The following MYBL2 variants were observed in gnomAD, a reference collection of about 807,000 sequenced individuals.
MYBL2 encodes MYB proto-oncogene like 2, also known as myb-related protein B.
Under a neutral mutation model 79.9 loss-of-function variants are expected in MYBL2, and 28 were observed. That is an observed-to-expected ratio of 0.35 (90% CI 0.26 to 0.48). MYBL2 has a LOEUF of 0.48. MYBL2 is among the 20% of genes least tolerant of loss of function. The pLI is 0.99. For missense variants in MYBL2, 735 were observed against 893.9 expected (o/e 0.82, Z 2.27); for synonymous variants, 378 against 361.2 (o/e 1.05, Z -0.53).
At chr20:43,682,755 G>T in intron 3 of MYBL2, 39 bp from the exon 4 acceptor site, 1 of 1,604,416 alleles carries the variant, frequency 6.2e-7, no homozygotes, top group South Asian at 1.1e-5. Flanking sequence ...GGTCCCAGAA[G>T]TTCTCACAGA....
intron 1 of MYBL2, among the ~76,000 whole-genome samples, chr20:43,667,726 G>A (rs933746539): frequency 6.6e-6 from 1 of 152,226 alleles, no homozygotes; most frequent in African/African-American, 2.4e-5. Flanking sequence ...GAGCCTGGGA[G>A]GCACTTGTTG....
At chr20:43,675,282 A>T (rs766402818) in intron 2 of MYBL2, among the ~76,000 whole-genome samples, 4 of 151,128 alleles carry the variant, frequency 2.6e-5, no homozygotes, top group Non-Finnish European at 5.9e-5. Flanking sequence ...CCCTGGCCAA[A>T]TGCCCCTTTT....
Position 43,716,033 on chromosome 20 carries a change from G to T in MYBL2, c.2049G>T (p.Gln683His), listed in dbSNP as rs776987820. 3 of 1,611,486 alleles carry T rather than the reference G, an allele frequency of 1.9e-6. No individual in the cohort carries two copies. Among genetic ancestry groups the T allele is most frequent in the Non-Finnish European group, 1.7e-6 (2 of 1,179,846 alleles). Residue 683 changes from glutamine (Q) to histidine (H), a missense_variant, in exon 14 of 14, where the codon CAG becomes CAT. Coordinates refer to ENST00000217026, the MANE Select transcript of MYBL2 (RefSeq NM_002466.4). The stretch of plus-strand genomic sequence containing the variant: ...TTTTCATGCAGGAGAAAGCCCGGCA[G>T]CTCCTGGGCCGCCTGAAGCCCAGCC... ...DQLFMQEKAR[Q>H]LLGRLKPSHT...
rs552135684 is a variant in MYBL2, at chr20:43,711,530, C to T, written c.1648C>T (p.Arg550Cys). The change falls in exon 11 of 14, where the codon CGT (arginine) becomes TGT (cysteine). Residue 550 changes from arginine (R) to cysteine (C), a missense_variant. Coordinates refer to ENST00000217026, the MANE Select transcript of MYBL2 (RefSeq NM_002466.4). Reference sequence around the variant, plus strand: ...GGAGGAGGACTTGAAGGAGGTGCTGCGTTCTGAGGCTGGCATCGAACTCAT... The same window carrying T: ...GGAGGAGGACTTGAAGGAGGTGCTGTGTTCTGAGGCTGGCATCGAACTCAT... ...HLEEDLKEVL[R>C]SEAGIELIIE... The T allele has an allele frequency of 2.2e-5, 36 of 1,613,714 alleles. 1 individual carries two copies. Among genetic ancestry groups the T allele is most frequent in the East Asian group, 2.2e-4 (10 of 44,876 alleles).
intron 6 of MYBL2, among the ~76,000 whole-genome samples, chr20:43,694,412 G>C (rs1305554860): frequency 1.3e-5 from 2 of 151,862 alleles, no homozygotes; most frequent in Non-Finnish European, 2.9e-5. Context: ...TGATGATGCC[G>C]GCTGTGTGGT....
In MYBL2 at chr20:43,705,640, G is replaced by A. The variant is rs1359440392; in HGVS notation, c.1505+282G>A. Among the ~76,000 whole-genome samples the A allele has an allele frequency of 2.6e-5, 4 of 151,920 alleles. No homozygotes were observed. The East Asian group carries it at 5.8e-4, about 22-fold the overall frequency. On this transcript the variant is annotated intron_variant, in intron 9 of 13. Transcript: ENST00000217026. ...GCCTCCTGAGTAGCTGGGACTCCAG[G>A]TGCATGCCACCATGCTCAGCTAATT...
intron 3 of MYBL2, 36 bp downstream of exon 3, chr20:43,681,891 A>C: frequency 6.2e-7 from 1 of 1,605,866 alleles, no homozygotes; most frequent in Non-Finnish European, 8.5e-7. Flanking sequence ...CCCTCGGGGC[A>C]AGGGCTCTGG....
At chr20:43,674,524 A>T (rs1483274460) in intron 2 of MYBL2, among the ~76,000 whole-genome samples, 1 of 151,522 alleles carries the variant, frequency 6.6e-6, no homozygotes, top group African/African-American at 2.4e-5. Context: ...AGTAGCTGGG[A>T]TTGCAGGCAT....
chr20:43,679,208 C>A (rs1987088702), intron 2 of MYBL2, among the ~76,000 whole-genome samples: 1 of 152,114 alleles, frequency 6.6e-6, no homozygotes, highest in South Asian at 2.1e-4. Flanking sequence ...GTGACTTTGC[C>A]CAGCCTGTGC....
intron 9 of MYBL2, among the ~76,000 whole-genome samples, 191 bp from the exon 10 acceptor site, chr20:43,709,772 C>T (rs1203640483): frequency 1.3e-5 from 2 of 152,182 alleles, no homozygotes; most frequent in East Asian, 1.9e-4. Flanking sequence ...GCTCCTGGCC[C>T]CTCTTAGACT....
intron 4 of MYBL2, among the ~76,000 whole-genome samples, chr20:43,684,290 T>G (rs1600548220): frequency 6.6e-6 from 1 of 151,032 alleles, no homozygotes; most frequent in African/African-American, 2.4e-5. Context: ...CAGGCTGGAG[T>G]GCAATGGCGT....
At chr20:43,689,260 G>A (rs1987351082) in intron 5 of MYBL2, among the ~76,000 whole-genome samples, 1 of 152,186 alleles carries the variant, frequency 6.6e-6, no homozygotes, top group South Asian at 2.1e-4. Context: ...GAGAGAAAAT[G>A]CCAGATGGTG....
At chr20:43,689,376 C>T (rs1271188614) in intron 5 of MYBL2, among the ~76,000 whole-genome samples, 2 of 152,104 alleles carry the variant, frequency 1.3e-5, no homozygotes, top group South Asian at 2.1e-4. Context: ...TGGCTTCTTT[C>T]CCCCCATGGC....
intron 6 of MYBL2, among the ~76,000 whole-genome samples, chr20:43,698,579 G>T (rs150412241): frequency 1.1e-4 from 16 of 150,556 alleles, no homozygotes; most frequent in Admixed American, 1.3e-4. Context: ...GGGTTTCACC[G>T]TGTTAGCCAG....
chr20:43,706,763 T>A lies in MYBL2; in HGVS notation c.1505+1405T>A, dbSNP rs1339728407. Among the ~76,000 whole-genome samples, 6 of 142,538 alleles carry A rather than the reference T, an allele frequency of 4.2e-5. No homozygotes were observed. In the East Asian group the frequency reaches 1.1e-3, roughly 25 times the overall value. The allele number at this position is 142,538 out of a possible 152,430, so 93.5% of individuals were successfully genotyped here. ...TGGAGTCTTGCTTTATCACCCAGGCTGGAGTGCAGTGGTGCAATCTCGGCT... is the reference window on the plus strand; with the variant it reads ...TGGAGTCTTGCTTTATCACCCAGGCAGGAGTGCAGTGGTGCAATCTCGGCT... On this transcript the variant is annotated intron_variant, in intron 9 of 13. Coordinates refer to ENST00000217026, the MANE Select transcript of MYBL2 (RefSeq NM_002466.4).
chr20:43,688,490 C>T (rs975342720), intron 5 of MYBL2, among the ~76,000 whole-genome samples: 3 of 151,336 alleles, frequency 2.0e-5, no homozygotes, highest in African/African-American at 4.9e-5. Flanking sequence ...CCACTATGCC[C>T]AGACTCTTTA....
intron 8 of MYBL2, among the ~76,000 whole-genome samples, chr20:43,704,561 T>C (rs1240044496): frequency 6.6e-6 from 1 of 152,124 alleles, no homozygotes; most frequent in African/African-American, 2.4e-5. Context: ...ACCCTGAGGG[T>C]TGCAGATGGC....
intron 2 of MYBL2, among the ~76,000 whole-genome samples, chr20:43,679,072 A>G (rs826954): frequency 0.93 from 141,777 of 152,022 alleles, 66,265 homozygotes; most frequent in African/African-American, 0.97. Flanking sequence ...TGTCAGGGAG[A>G]GTGGTGGTGC....
At chr20:43,676,604 C>T (rs143335633) in intron 2 of MYBL2, among the ~76,000 whole-genome samples, 121 of 152,258 alleles carry the variant, frequency 7.9e-4, no homozygotes, top group African/African-American at 2.4e-3. Flanking sequence ...TTTTGGCTAT[C>T]GTGTATAGCG....
Sources: allele counts gnomAD v4.1 joint callset (sites outside exome capture counted in the v4.1 genomes callset), GRCh38; gene constraint gnomAD v4.1.1; transcripts MANE v1.5; gene names NCBI Gene and HGNC (gene_info 2026-07-23, HGNC 2026-07-21).